KCNH1: variants seen among roughly 807,000 people sequenced by gnomAD.
KCNH1 encodes the protein potassium voltage-gated channel subfamily H member 1.
In KCNH1, 27 loss-of-function variants were observed where a neutral mutation model predicts 69.2. That is an observed-to-expected ratio of 0.39 (90% CI 0.29 to 0.54). The LOEUF (loss-of-function observed/expected upper bound fraction) is 0.54, where lower values mean the gene tolerates loss of function less well. KCNH1 is among the 20% of genes least tolerant of loss of function. The pLI, the probability that KCNH1 is intolerant of heterozygous loss-of-function variation, is 0.68. For synonymous variants in KCNH1, 456 were observed against 487.7 expected (o/e 0.93, Z 0.86); for missense variants, 798 against 1,261.6 (o/e 0.63, Z 5.57).
intron 7 of KCNH1, chr1:210,858,998 A>G (rs1685916204): frequency 2.4e-6 from 1 of 424,886 alleles, no homozygotes; most frequent in Non-Finnish European, 4.2e-6. Flanking sequence ...TTTCTTTTCC[A>G]GTGCCAGGTT....
intron 7 of KCNH1, among the ~76,000 whole-genome samples, chr1:210,811,694 C>T (rs1684707599): frequency 6.6e-6 from 1 of 152,030 alleles, no homozygotes; most frequent in African/African-American, 2.4e-5. Flanking sequence ...CCGATGTGCC[C>T]CATATGAAAG....
chr1:210,742,457 C>A (rs1237578814), intron 10 of KCNH1, among the ~76,000 whole-genome samples: 7 of 152,122 alleles, frequency 4.6e-5, no homozygotes, highest in Non-Finnish European at 8.8e-5. Context: ...GTTTCATATC[C>A]CCTGCTTTCC....
In KCNH1 at chr1:211,050,260, T is replaced by TAAAAAAAAAAAAA. The variant is rs747498526; in HGVS notation, c.559-31017_559-31005dup. Reference sequence around the variant, plus strand: ...AGGACAAACTCAGCCCACACATTCTTAAAAAAAAAAAAAAAAAAAAAAAAA... The same window carrying TAAAAAAAAAAAAA: ...AGGACAAACTCAGCCCACACATTCTTAAAAAAAAAAAAAAAAAAAAAAAAAAAAAAAAAAAAAA... On this transcript the variant is annotated intron_variant, in intron 5 of 10. Coordinates refer to ENST00000271751, the MANE Select transcript of KCNH1 (RefSeq NM_172362.3). Among the ~76,000 whole-genome samples, 66 of 58,564 alleles carry TAAAAAAAAAAAAA rather than the reference T, an allele frequency of 1.1e-3. 10 individuals are homozygous for TAAAAAAAAAAAAA. Among genetic ancestry groups the TAAAAAAAAAAAAA allele is most frequent in the South Asian group, 4.6e-3 (6 of 1,298 alleles). The allele number at this position is 58,564 out of a possible 152,430, so 38.4% of individuals were successfully genotyped here. A position where few individuals can be genotyped will look rare whatever the true frequency, so the allele number is the denominator to read the frequency against.
chr1:210,840,213 T>C (rs1448524489), intron 7 of KCNH1, among the ~76,000 whole-genome samples: 1 of 152,198 alleles, frequency 6.6e-6, no homozygotes, highest in East Asian at 1.9e-4. Context: ...TGGAGCTGTT[T>C]TGTTTGTTGC....
At chr1:210,688,753 C>T (rs895815361) in intron 10 of KCNH1, among the ~76,000 whole-genome samples, 1 of 152,204 alleles carries the variant, frequency 6.6e-6, no homozygotes. Flanking sequence ...ATGAGGACAA[C>T]TGCTCATTGG....
At chr1:210,835,017 C>T (rs113626075) in intron 7 of KCNH1, among the ~76,000 whole-genome samples, 16 of 152,094 alleles carry the variant, frequency 1.1e-4, no homozygotes, top group Admixed American at 8.5e-4. Flanking sequence ...CTTCTGTATG[C>T]GAGTCATAAA....
At chr1:210,902,157 G>A (rs922372425) in intron 7 of KCNH1, among the ~76,000 whole-genome samples, 3 of 152,128 alleles carry the variant, frequency 2.0e-5, no homozygotes, top group African/African-American at 4.8e-5. Context: ...GCCCCTACCC[G>A]CAACCTTCCC....
chr1:210,871,533 C>G (rs145124445), intron 7 of KCNH1, among the ~76,000 whole-genome samples: 1 of 152,042 alleles, frequency 6.6e-6, no homozygotes, highest in African/African-American at 2.4e-5. Flanking sequence ...ACCATTTGAC[C>G]CAGCCACCCC....
At chr1:211,129,867 T>C (rs1038066264) in intron 1 of KCNH1, among the ~76,000 whole-genome samples, 1 of 152,250 alleles carries the variant, frequency 6.6e-6, no homozygotes, top group Non-Finnish European at 1.5e-5. Flanking sequence ...CATAAATCTG[T>C]ACCAAAATGT....
At chr1:211,011,101 G>A (rs1050859376) in intron 6 of KCNH1, among the ~76,000 whole-genome samples, 1 of 152,024 alleles carries the variant, frequency 6.6e-6, no homozygotes, top group African/African-American at 2.4e-5. Flanking sequence ...TCTACATTAG[G>A]TATTTCTCCT....
chr1:211,072,932 T>G (rs758460824), intron 5 of KCNH1, among the ~76,000 whole-genome samples: 1 of 152,194 alleles, frequency 6.6e-6, no homozygotes, highest in African/African-American at 2.4e-5. Context: ...AGACACAGAC[T>G]GTCAGACCGG....
At chr1:211,030,756 T>C (rs1689768226) in intron 5 of KCNH1, among the ~76,000 whole-genome samples, 2 of 152,150 alleles carry the variant, frequency 1.3e-5, no homozygotes, top group Non-Finnish European at 1.5e-5. Flanking sequence ...ACTGACAAGA[T>C]GGACTTCATC....
chr1:210,874,379 T>C (rs1368244879), intron 7 of KCNH1, among the ~76,000 whole-genome samples: 1 of 152,266 alleles, frequency 6.6e-6, no homozygotes, highest in African/African-American at 2.4e-5. Context: ...GCTGAAAGCA[T>C]CCTGATACTA....
At chr1:211,039,340 C>G (rs1324850932) in intron 5 of KCNH1, among the ~76,000 whole-genome samples, 2 of 152,210 alleles carry the variant, frequency 1.3e-5, no homozygotes, top group Non-Finnish European at 2.9e-5. Context: ...AGGGGCAGGG[C>G]CCTCATGGAG....
intron 7 of KCNH1, among the ~76,000 whole-genome samples, chr1:210,845,293 C>G (rs926825119): frequency 1.7e-4 from 26 of 152,156 alleles, no homozygotes; most frequent in South Asian, 4.1e-4. Context: ...AATTTTAGAC[C>G]AATATCCTTG....
rs12047781 is a variant in KCNH1, at chr1:211,116,540, T to C, written c.80-9163A>G. 3.4e-4 allele frequency among the ~76,000 whole-genome samples: 52 copies of C among 152,304 alleles called. No individual in the cohort carries two copies. The East Asian group carries it at 6.2e-3, about 18-fold the overall frequency. On this transcript the variant is annotated intron_variant, in intron 1 of 10. Coordinates refer to ENST00000271751, the MANE Select transcript of KCNH1 (RefSeq NM_172362.3). ...AAAGGAGTGTCCACCCACCCCTAGA[T>C]AGAAGAAGTATTGGGGTGAATTCTT... is the stretch of plus-strand genomic sequence containing the variant.
chr1:210,990,803 TATTTCATCCATTTTGATTATA>T (rs1162948700), intron 6 of KCNH1, among the ~76,000 whole-genome samples: 2 of 152,204 alleles, frequency 1.3e-5, no homozygotes, highest in Admixed American at 6.5e-5. Flanking sequence ...CCAAGATTAG[TATTTCATCCATTTTGATTATA>T]AGAATCAAAA....
At chr1:211,000,306 T>A (rs984956002) in intron 6 of KCNH1, among the ~76,000 whole-genome samples, 9 of 152,206 alleles carry the variant, frequency 5.9e-5, no homozygotes, top group Admixed American at 5.9e-4. Context: ...ATAAGCAACT[T>A]CAGCAAAGTC....
intron 6 of KCNH1, among the ~76,000 whole-genome samples, chr1:210,931,640 T>G (rs1381373606): frequency 6.6e-6 from 1 of 151,770 alleles, no homozygotes; most frequent in Admixed American, 6.6e-5. Flanking sequence ...AAACAACAAC[T>G]GTTCCCCAGA....
Sources: allele counts gnomAD v4.1 joint callset (sites outside exome capture counted in the v4.1 genomes callset), GRCh38; gene constraint gnomAD v4.1.1; transcripts MANE v1.5; gene names NCBI Gene and HGNC (gene_info 2026-07-23, HGNC 2026-07-21).